The following HIF3A variants were observed in gnomAD, a reference collection of about 807,000 sequenced individuals.
HIF3A encodes hypoxia inducible factor 3 subunit alpha, also known as hypoxia-inducible factor 3-alpha.
A neutral mutation model predicts 67.2 loss-of-function variants in HIF3A; 41 were observed. The ratio of observed to expected loss-of-function variants is 0.61; its 90% CI spans 0.48 to 0.79. The LOEUF (loss-of-function observed/expected upper bound fraction) is 0.79, where lower values mean the gene tolerates loss of function less well. Ranked by LOEUF, HIF3A falls within the 30% of genes least tolerant of loss-of-function variation. The probability of loss-of-function intolerance (pLI) is 0.00; values close to 1 mark genes in which losing one functional copy is unlikely to be tolerated. For missense variants in HIF3A, 855 were observed against 898.0 expected (o/e 0.95, Z 0.61); for synonymous variants, 356 against 374.8 (o/e 0.95, Z 0.58).
chr19:46,336,134 C>T (rs1971601345), intron 14 of HIF3A, among the ~76,000 whole-genome samples: 1 of 140,264 alleles, frequency 7.1e-6, no homozygotes, highest in African/African-American at 2.7e-5. Flanking sequence ...CGCTCTGCCA[C>T]CCAGGCTGGA....
chr19:46,323,066 T>C (rs534056506), intron 10 of HIF3A, among the ~76,000 whole-genome samples: 1 of 151,628 alleles, frequency 6.6e-6, no homozygotes, highest in South Asian at 2.1e-4. Flanking sequence ...TGTTTTTTTT[T>C]TGAGACGGAG....
At chr19:46,338,246 G>A in intron 14 of HIF3A, 1 of 454,302 alleles carries the variant, frequency 2.2e-6, no homozygotes, top group Non-Finnish European at 4.4e-6. Context: ...TTGTCACCCA[G>A]TCTGGAGTGC....
intron 6 of HIF3A, among the ~76,000 whole-genome samples, chr19:46,311,887 A>C (rs1969457439): frequency 6.6e-6 from 1 of 152,006 alleles, no homozygotes; most frequent in Non-Finnish European, 1.5e-5. Flanking sequence ...AACAAACAAA[A>C]AACTTCTAAT....
Position 46,331,232 on chromosome 19 carries a change from A to G in HIF3A, c.1789A>G (p.Ser597Gly). 1 of 1,614,116 alleles carries G rather than the reference A, an allele frequency of 6.2e-7. No homozygotes were observed. Among genetic ancestry groups the G allele is most frequent in the Non-Finnish European group, 8.5e-7 (1 of 1,179,994 alleles). The change falls in exon 13 of 15, where the codon AGC becomes GGC. Residue 597 changes from serine to glycine, a missense_variant. By Grantham distance (56) the Ser-to-Gly change is moderately conservative. This residue lies in a region of HIF3A where 199 missense variants were observed against 193.8 expected (regional missense o/e 1.03). Transcript: ENST00000377670. ...AGTGAGACCTCCCAAAAGGTCCCCC[A>G]GCCCAGAACACGAAAACTTTCTGCT... ...LGVRPPKRSP[S>G]PEHENFLLFP...
rs1351463433 is a variant in HIF3A, at chr19:46,298,387, G to T, written c.26+1285G>T. The stretch of plus-strand genomic sequence containing the variant: ...TGCCCCCCCTCCCCACCCAAGGCCG[G>T]CCCTTTCCTGTGGAGTCATCTCACC... On this transcript the variant is annotated intron_variant, in intron 1 of 14. Transcript: ENST00000377670. 3 of 1,287,268 alleles carry T rather than the reference G, an allele frequency of 2.3e-6. No individual in the cohort carries two copies. In the South Asian group the frequency reaches 3.7e-5, roughly 16 times the overall value. 79.7% of individuals were successfully genotyped at this position (1,287,268 alleles called of 1,614,324 possible).
At chr19:46,326,444 CT>C (rs1417777579) in intron 11 of HIF3A, among the ~76,000 whole-genome samples, 1 of 152,184 alleles carries the variant, frequency 6.6e-6, no homozygotes, top group Non-Finnish European at 1.5e-5. Flanking sequence ...ATCCTGTACA[CT>C]GTGGGAGGCA....
In HIF3A at chr19:46,312,498, C is replaced by G; in HGVS notation, c.878-8C>G. On this transcript the variant is annotated splice_polypyrimidine_tract_variant and splice_region_variant and intron_variant, in intron 7 of 14. Coordinates refer to ENST00000377670, the MANE Select transcript of HIF3A (RefSeq NM_152795.4). ...GTGGCCCTGATCCCTCCCGATCCCC[C>G]TCCTCAGTGCTGAGCAAGGGCCAGG... 1 of 1,613,826 alleles carries G rather than the reference C, an allele frequency of 6.2e-7. No homozygotes were observed. Among genetic ancestry groups the G allele is most frequent in the Non-Finnish European group, 8.5e-7 (1 of 1,179,860 alleles).
intron 14 of HIF3A, among the ~76,000 whole-genome samples, chr19:46,338,728 A>G (rs1028370067): frequency 6.6e-6 from 1 of 152,162 alleles, no homozygotes; most frequent in African/African-American, 2.4e-5. Flanking sequence ...GCACAGAGAG[A>G]TGAAGCCACC....
At chr19:46,332,215 G>A (rs566779137) in intron 13 of HIF3A, among the ~76,000 whole-genome samples, 3 of 152,206 alleles carry the variant, frequency 2.0e-5, no homozygotes, top group East Asian at 1.9e-4. Context: ...GACACTCAGT[G>A]GGCTGACCAT....
intron 3 of HIF3A, among the ~76,000 whole-genome samples, chr19:46,306,788 A>C (rs1218744698): frequency 6.6e-6 from 1 of 152,136 alleles, no homozygotes; most frequent in Admixed American, 6.5e-5. Flanking sequence ...AAAGCTAGGA[A>C]GTGGCACAGC....
In HIF3A at chr19:46,308,505, G is replaced by A. The variant is rs555283502; in HGVS notation, c.449-158G>A. The A allele has an allele frequency of 1.4e-5, 9 of 632,244 alleles. No homozygotes were observed. The East Asian group carries it at 2.5e-4, about 17-fold the overall frequency. 39.2% of individuals were successfully genotyped at this position (632,244 alleles called of 1,614,324 possible). ...AGGGGACACAGCCCTGCCCTGGGGG[G>A]TCCAAGGGGACACATACTACCCCTG... On this transcript the variant is annotated intron_variant, in intron 4 of 14. Transcript: ENST00000377670.
intron 8 of HIF3A, among the ~76,000 whole-genome samples, chr19:46,317,189 G>A (rs529912843): frequency 6.6e-6 from 1 of 152,164 alleles, no homozygotes; most frequent in Admixed American, 6.6e-5. Flanking sequence ...CCAAAATGCT[G>A]GGATTACAGG....
chr19:46,309,132 C>G lies in HIF3A; in HGVS notation c.562-19C>G, dbSNP rs376800821. ...GGCCCAGAGGCACCACTGCCTTGTCCCCTCATCTCGGCCCCCAGGTGCTGA... is the reference window on the plus strand; with the variant it reads ...GGCCCAGAGGCACCACTGCCTTGTCGCCTCATCTCGGCCCCCAGGTGCTGA... On this transcript the variant is annotated intron_variant, in intron 5 of 14. Coordinates refer to ENST00000377670, the MANE Select transcript of HIF3A (RefSeq NM_152795.4). The G allele has an allele frequency of 3.7e-5, 60 of 1,603,304 alleles. No individual in the cohort carries two copies. Among genetic ancestry groups the G allele is most frequent in the Non-Finnish European group, 4.7e-5 (55 of 1,172,252 alleles).
chr19:46,305,998 G>A (rs996055826), intron 3 of HIF3A, among the ~76,000 whole-genome samples: 3 of 152,174 alleles, frequency 2.0e-5, no homozygotes, highest in African/African-American at 7.2e-5. Flanking sequence ...AAGATCATGT[G>A]AGCCTGGGAG....
intron 14 of HIF3A, chr19:46,338,495 G>A (rs1249270600): frequency 1.6e-5 from 18 of 1,143,956 alleles, no homozygotes; most frequent in African/African-American, 5.0e-5. Flanking sequence ...GAACCACCAC[G>A]CCCGACAGTA....
chr19:46,308,469 G>T, intron 4 of HIF3A, 164 bp downstream of exon 4: 5 of 636,664 alleles, frequency 7.9e-6, no homozygotes, highest in East Asian at 2.8e-5. Flanking sequence ...ACCCTGCCCT[G>T]GGGGGGTCTG....
chr19:46,305,157 A>T, intron 2 of HIF3A, 88 bp from the exon 3 acceptor site: 1 of 1,585,212 alleles, frequency 6.3e-7, no homozygotes. Flanking sequence ...TGAATGAGGA[A>T]AGGCAGAGGG....
rs1321778376 is a variant in HIF3A at position 46,298,725 on chromosome 19, C to CG, written c.26+1629dup. ...CCATGTCCTTGAGAACAGGCAGAGTCGGGGGGCAGAGAGACTCCCCCAGAC... is the reference window on the plus strand; with the variant it reads ...CCATGTCCTTGAGAACAGGCAGAGTCGGGGGGGCAGAGAGACTCCCCCAGAC... On this transcript the variant is annotated intron_variant, in intron 1 of 14. Coordinates refer to ENST00000377670, the MANE Select transcript of HIF3A (RefSeq NM_152795.4). 6.6e-5 allele frequency among the ~76,000 whole-genome samples: 10 copies of CG among 152,244 alleles called. No individual in the cohort carries two copies. In the South Asian group the frequency reaches 2.1e-3, roughly 32 times the overall value.
intron 8 of HIF3A, among the ~76,000 whole-genome samples, chr19:46,319,037 A>C (rs1054516984): frequency 6.6e-6 from 1 of 152,146 alleles, no homozygotes; most frequent in Non-Finnish European, 1.5e-5. Context: ...ACCACTACAC[A>C]GCAGTGCTTG....
Sources: allele counts gnomAD v4.1 joint callset (sites outside exome capture counted in the v4.1 genomes callset), GRCh38; gene constraint gnomAD v4.1.1; regional missense constraint gnomAD v4.1.1; transcripts MANE v1.5; gene names NCBI Gene and HGNC (gene_info 2026-07-23, HGNC 2026-07-21).